Variants in PUS7 observed in about 807,000 individuals in gnomAD.
PUS7 encodes pseudouridylate synthase 7 homolog.
A neutral mutation model predicts 79.8 loss-of-function variants in PUS7; 48 were observed. The ratio of observed to expected loss-of-function variants is 0.60; its 90% confidence interval spans 0.48 to 0.76. The LOEUF (loss-of-function observed/expected upper bound fraction) is 0.76. PUS7 is among the 30% of genes least tolerant of loss of function. The pLI is 0.00. For synonymous variants in PUS7, 286 were observed against 272.2 expected, an observed-to-expected ratio of 1.05 and a Z score of -0.50; for missense variants, 729 against 797.6, an observed-to-expected ratio of 0.91 and a Z score of 1.04.
At chr7:105,470,652 C>T (rs1823834027) in intron 11 of PUS7, 36 bp downstream of exon 11, 1 of 1,522,938 alleles carries the variant, frequency 6.6e-7, no homozygotes, top group Non-Finnish European at 8.9e-7. Context: ...ATTAAAACGC[C>T]TTGAGCCATT....
intron 4 of PUS7, among the ~76,000 whole-genome samples, chr7:105,505,609 A>T (rs751382678): frequency 6.6e-6 from 1 of 152,100 alleles, no homozygotes; most frequent in African/African-American, 2.4e-5. Flanking sequence ...TTTTTTTCAG[A>T]GATGATGTCT....
chr7:105,465,063 C>T lies in PUS7; in HGVS notation c.1627+250G>A, dbSNP rs536359609. Among the ~76,000 whole-genome samples, 3 of 152,286 alleles carry T rather than the reference C, an allele frequency of 2.0e-5. No homozygotes were observed. The South Asian group carries it at 6.2e-4, about 32-fold the overall frequency. ...CGAATTCCAGAGCTCAAGCGATCCACCCATCTCAGCCTCCCAAAATGTTGG... is the reference window on the plus strand; with the variant it reads ...CGAATTCCAGAGCTCAAGCGATCCATCCATCTCAGCCTCCCAAAATGTTGG... On this transcript the variant is annotated intron_variant, in intron 13 of 15. Coordinates refer to ENST00000469408, the MANE Select transcript of PUS7 (RefSeq NM_019042.5).
At chr7:105,497,944 T>C (rs777994178) in intron 5 of PUS7, among the ~76,000 whole-genome samples, 4 of 152,252 alleles carry the variant, frequency 2.6e-5, no homozygotes, top group Non-Finnish European at 5.9e-5. Context: ...TAAAAGTTGA[T>C]GAAGTGTAGC....
chr7:105,514,869 G>A (rs1460585636), intron 1 of PUS7, among the ~76,000 whole-genome samples: 2 of 150,616 alleles, frequency 1.3e-5, no homozygotes, highest in African/African-American at 4.9e-5. Context: ...TCGGCTCACT[G>A]CAAGCTCCGC....
At chr7:105,465,212 C>T (rs987342038) in intron 13 of PUS7, 101 bp downstream of exon 13, 132 of 711,508 alleles carry the variant, frequency 1.9e-4, no homozygotes, top group Non-Finnish European at 2.7e-4. Context: ...GCATCCCTTT[C>T]TGGGAGACTG....
At chr7:105,474,046 TTTTCC>T (rs1345037992) in intron 9 of PUS7, among the ~76,000 whole-genome samples, 1 of 152,214 alleles carries the variant, frequency 6.6e-6, no homozygotes, top group Non-Finnish European at 1.5e-5. Flanking sequence ...CATCTGAAAG[TTTTCC>T]TTTAAGATTT....
chr7:105,514,735 G>T (rs1037990982), intron 1 of PUS7, among the ~76,000 whole-genome samples: 1 of 152,112 alleles, frequency 6.6e-6, no homozygotes, highest in African/African-American at 2.4e-5. Context: ...TTGTTTTTCA[G>T]ATTACAGATT....
At chr7:105,493,846 GAAGCATATGAA>G (rs1231476273) in intron 6 of PUS7, among the ~76,000 whole-genome samples, 7 of 152,220 alleles carry the variant, frequency 4.6e-5, no homozygotes, top group African/African-American at 1.7e-4. Flanking sequence ...TTAGCCTCTA[GAAGCATATGAA>G]AAGTAATTTC....
chr7:105,472,091 A>T (rs1431094100), intron 10 of PUS7, 41 bp downstream of exon 10: 2 of 1,311,748 alleles, frequency 1.5e-6, no homozygotes, highest in Non-Finnish European at 2.2e-6. Context: ...ATACCTAGCC[A>T]TACATTCTAT....
chr7:105,464,170 T>C (rs891406317), intron 13 of PUS7, among the ~76,000 whole-genome samples: 1 of 152,236 alleles, frequency 6.6e-6, no homozygotes, highest in African/African-American at 2.4e-5. Flanking sequence ...AAGTTCCTGA[T>C]CCCAAAAGGT....
chr7:105,511,863 C>G (rs1039400769), intron 1 of PUS7, among the ~76,000 whole-genome samples: 1 of 151,678 alleles, frequency 6.6e-6, no homozygotes, highest in East Asian at 1.9e-4. Flanking sequence ...CAATTTCTGG[C>G]GGCCTGGTGC....
chr7:105,521,252 G>A (rs1826098254), intron 1 of PUS7, among the ~76,000 whole-genome samples: 1 of 152,020 alleles, frequency 6.6e-6, no homozygotes, highest in African/African-American at 2.4e-5. Context: ...GGGAACCTTA[G>A]TAACCCTTTA....
chr7:105,513,404 G>C (rs1825771296), intron 1 of PUS7, among the ~76,000 whole-genome samples: 1 of 152,338 alleles, frequency 6.6e-6, no homozygotes, highest in Non-Finnish European at 1.5e-5. Flanking sequence ...TCTAGGTTTT[G>C]CCATTTACTA....
intron 1 of PUS7, among the ~76,000 whole-genome samples, chr7:105,521,203 T>A (rs1826094663): frequency 6.7e-6 from 1 of 149,490 alleles, no homozygotes; most frequent in Non-Finnish European, 1.5e-5. Context: ...TGGGGCATAG[T>A]CATTTCATAG....
At position 105,495,266 on chromosome 7, in the gene PUS7, A is replaced by C; in HGVS notation, c.731-13T>G. ...TGTTTTCTTGGATCTTGAAAGCAAA[A>C]GAATTAACATTATATATACCATAAT... On this transcript the variant is annotated splice_polypyrimidine_tract_variant and intron_variant, in intron 5 of 15. Coordinates refer to ENST00000469408, the MANE Select transcript of PUS7 (RefSeq NM_019042.5). The C allele has an allele frequency of 2.1e-6, 3 of 1,408,552 alleles. No individual in the cohort carries two copies. In the South Asian group the frequency reaches 3.5e-5, roughly 16 times the overall value. The allele number at this position is 1,408,552 out of a possible 1,614,324, so 87.3% of individuals were successfully genotyped here. A position where few individuals can be genotyped will look rare whatever the true frequency, so the allele number is the denominator to read the frequency against.
At position 105,522,247 on chromosome 7, in the gene PUS7, C is replaced by T. The variant is rs1349836323; in HGVS notation, c.-228G>A. 6.6e-6 allele frequency: 1 copy of T among 151,464 alleles called. No homozygotes were observed. Among genetic ancestry groups the T allele is most frequent in the Non-Finnish European group, 1.5e-5 (1 of 67,782 alleles). The allele number at this position is 151,464 out of a possible 1,614,324, so 9.4% of individuals were successfully genotyped here. ...GGCGGCCGGGCTCGCACACGTGCGG[C>T]GCAGCGACGCGCCGCGGCCCGACTG... On this transcript the variant is annotated 5_prime_UTR_variant, in exon 1 of 16. Coordinates refer to ENST00000469408, the MANE Select transcript of PUS7 (RefSeq NM_019042.5).
chr7:105,511,415 T>C (rs144542206), intron 1 of PUS7, among the ~76,000 whole-genome samples: 10 of 150,780 alleles, frequency 6.6e-5, no homozygotes, highest in African/African-American at 2.4e-4. Context: ...TTGGAGCCTG[T>C]TGTACATTTA....
At chr7:105,514,447 A>G (rs1412344330) in intron 1 of PUS7, among the ~76,000 whole-genome samples, 2 of 150,990 alleles carry the variant, frequency 1.3e-5, no homozygotes, top group African/African-American at 4.9e-5. Flanking sequence ...TACTAAAAAT[A>G]CAAACAATTA....
intron 14 of PUS7, chr7:105,462,392 A>G (rs1403640631): frequency 2.2e-6 from 1 of 446,374 alleles, no homozygotes; most frequent in Non-Finnish European, 3.9e-6. Context: ...AGATCATGCT[A>G]TTGTGCTCCA....
Sources: allele counts gnomAD v4.1 joint callset (sites outside exome capture counted in the v4.1 genomes callset), GRCh38; gene constraint gnomAD v4.1.1; transcripts MANE v1.5; gene names NCBI Gene and HGNC (gene_info 2026-07-23, HGNC 2026-07-21).